ERICH6: variants seen among roughly 807,000 people sequenced by gnomAD.
ERICH6 encodes the protein glutamate-rich protein 6.
Under a neutral mutation model 71.0 loss-of-function variants are expected in ERICH6, and 71 were observed. That is an observed-to-expected ratio of 1.00 (90% confidence interval 0.83 to 1.22). The LOEUF (loss-of-function observed/expected upper bound fraction) is 1.22. Among genes scored for constraint, ERICH6 ranks in the 50% most tolerant of loss-of-function variants. The probability of loss-of-function intolerance (pLI) is 0.00; values close to 1 mark genes in which losing one functional copy is unlikely to be tolerated. For synonymous variants in ERICH6, 262 were observed against 278.4 expected, an observed-to-expected ratio of 0.94 and a Z score of 0.59; for missense variants, 808 against 797.2, an observed-to-expected ratio of 1.01 and a Z score of -0.16.
chr3:150,685,162 C>T (rs1476283824), intron 6 of ERICH6, among the ~76,000 whole-genome samples: 4 of 152,146 alleles, frequency 2.6e-5, no homozygotes, highest in African/African-American at 9.7e-5. Flanking sequence ...GCCACTCTTA[C>T]AGGTTGAATT....
intron 12 of ERICH6, among the ~76,000 whole-genome samples, chr3:150,669,092 A>G (rs1236395982): frequency 6.6e-6 from 1 of 152,170 alleles, no homozygotes; most frequent in Non-Finnish European, 1.5e-5. Flanking sequence ...GATGAGCTTT[A>G]TTTTTATAAT....
At chr3:150,673,089 C>G (rs1052364771) in intron 11 of ERICH6, among the ~76,000 whole-genome samples, 1 of 150,584 alleles carries the variant, frequency 6.6e-6, no homozygotes, top group Non-Finnish European at 1.5e-5. Context: ...AGGGTAGTCT[C>G]TCCTTCCTTC....
At position 150,680,465 on chromosome 3, in the gene ERICH6, C is replaced by G; in HGVS notation, c.1111+3G>C. The G allele has an allele frequency of 6.2e-7, 1 of 1,614,084 alleles. No individual in the cohort carries two copies. The highest frequency in any genetic ancestry group is 1.1e-5 in the South Asian group (1 of 91,078). Reference sequence around the variant, plus strand: ...TCTATAAGATCAGCACTAATGAACTCACCATCTTCAGAGAAATGAGTCTGT... The same window carrying G: ...TCTATAAGATCAGCACTAATGAACTGACCATCTTCAGAGAAATGAGTCTGT... On this transcript the variant is annotated splice_donor_region_variant and intron_variant, in intron 9 of 13. Transcript: ENST00000295910.
chr3:150,689,222 C>T (rs1347849288), intron 3 of ERICH6, among the ~76,000 whole-genome samples: 1 of 133,934 alleles, frequency 7.5e-6, no homozygotes, highest in Non-Finnish European at 1.7e-5. Flanking sequence ...TACTTGCTTC[C>T]AACTCAAGGA....
Position 150,673,949 on chromosome 3 carries a change from A to C in ERICH6, c.1343+7T>G, listed in dbSNP as rs768800045. On this transcript the variant is annotated splice_region_variant and intron_variant, in intron 11 of 13. Coordinates refer to ENST00000295910, the MANE Select transcript of ERICH6 (RefSeq NM_152394.5). ...GCTAATAAAAATAACTTGTTGAAAG[A>C]GGATACAATATTTGTGTTGTCCCAT... The C allele has an allele frequency of 2.7e-5, 44 of 1,611,470 alleles. No individual in the cohort carries two copies. The highest frequency in any genetic ancestry group is 3.6e-5 in the Non-Finnish European group (43 of 1,178,604).
At chr3:150,681,830 T>C (rs1414274957) in intron 7 of ERICH6, among the ~76,000 whole-genome samples, 1 of 146,788 alleles carries the variant, frequency 6.8e-6, no homozygotes, top group Non-Finnish European at 1.5e-5. Flanking sequence ...TTTTTTTTTT[T>C]TGGAGACAGA....
intron 11 of ERICH6, among the ~76,000 whole-genome samples, chr3:150,672,255 TTATATATACATA>T (rs1711508519): frequency 1.2e-5 from 1 of 82,120 alleles, no homozygotes. Context: ...AAGAATCCAT[TTATATATACATA>T]TATATATATA....
intron 11 of ERICH6, among the ~76,000 whole-genome samples, chr3:150,673,014 G>A (rs1711525028): frequency 6.6e-6 from 1 of 152,018 alleles, no homozygotes; most frequent in Non-Finnish European, 1.5e-5. Flanking sequence ...CTCACAGTGA[G>A]ACCCTGTCTT....
chr3:150,696,150 A>T (rs1712649606), intron 3 of ERICH6, among the ~76,000 whole-genome samples: 1 of 152,074 alleles, frequency 6.6e-6, no homozygotes, highest in South Asian at 2.1e-4. Context: ...TGAAATATAT[A>T]CACAATATAT....
chr3:150,665,393 T>C (rs913348420), intron 13 of ERICH6, among the ~76,000 whole-genome samples: 3 of 151,618 alleles, frequency 2.0e-5, no homozygotes, highest in African/African-American at 7.3e-5. Flanking sequence ...GTGGTGTGCC[T>C]GTAGTCCCAG....
At chr3:150,678,581 T>A in intron 9 of ERICH6, 27 bp from the exon 10 acceptor site, 1 of 1,533,330 alleles carries the variant, frequency 6.5e-7, no homozygotes, top group Non-Finnish European at 8.7e-7. Context: ...CACATAGAAA[T>A]ACATATATGT....
intron 12 of ERICH6, among the ~76,000 whole-genome samples, chr3:150,668,917 C>A (rs1432329656): frequency 6.6e-6 from 1 of 152,126 alleles, no homozygotes; most frequent in Admixed American, 6.5e-5. Context: ...TGTCTATTGA[C>A]AAGTTGTTTA....
chr3:150,703,740 C>CCTCCTCCTCCTCCACCTCT lies in ERICH6; in HGVS notation c.158_159insAGAGGTGGAGGAGGAGGAG (p.Val56GlufsTer22). 7.4e-7 allele frequency: 1 copy of CCTCCTCCTCCTCCACCTCT among 1,354,500 alleles called. No individual in the cohort carries two copies. Among genetic ancestry groups the CCTCCTCCTCCTCCACCTCT allele is most frequent in the East Asian group, 2.8e-5 (1 of 35,998 alleles). 83.9% of individuals were successfully genotyped at this position (1,354,500 alleles called of 1,614,324 possible). ...CCACCAACTCCTCCTCCACCACCTC[C>CCTCCTCCTCCTCCACCTCT]TCCTCCTCCTCCTCCACCTCTTCCT... is the stretch of plus-strand genomic sequence containing the variant. On this transcript the variant is annotated frameshift_variant, in exon 1 of 14. Coordinates refer to ENST00000295910, the MANE Select transcript of ERICH6 (RefSeq NM_152394.5). LOFTEE classifies it high-confidence loss of function.
At position 150,703,654 on chromosome 3, in the gene ERICH6, G is replaced by C. The variant is rs1223495710; in HGVS notation, c.245C>G (p.Thr82Arg). Residue 82 changes from threonine to arginine, a missense_variant, in exon 1 of 14, where the codon ACG becomes AGG. Around this residue, in one of 3 missense-constraint regions of ERICH6, gnomAD observed 736 missense variants for 712.2 expected, o/e 1.03. Transcript: ENST00000295910. The part of the protein sequence containing the change: ...TFSEEYLWKV[T>R]DIGDYDDDFP... ...GTCGTCGTCGTAGTCACCGATGTCCGTGACCTTCCAGAGGTACTCTTCGCT... is the reference window on the plus strand; with the variant it reads ...GTCGTCGTCGTAGTCACCGATGTCCCTGACCTTCCAGAGGTACTCTTCGCT... 1.9e-6 allele frequency: 3 copies of C among 1,613,760 alleles called. No homozygotes were observed. The highest frequency in any genetic ancestry group is 2.5e-6 in the Non-Finnish European group (3 of 1,179,934).
intron 2 of ERICH6, among the ~76,000 whole-genome samples, chr3:150,700,732 C>A (rs1051112865): frequency 6.6e-6 from 1 of 152,024 alleles, no homozygotes; most frequent in Non-Finnish European, 1.5e-5. Context: ...TACAGGCACA[C>A]GCCACCATGC....
intron 10 of ERICH6, 105 bp downstream of exon 10, chr3:150,678,304 A>G: frequency 2.9e-5 from 31 of 1,084,952 alleles, no homozygotes; most frequent in Non-Finnish European, 4.0e-5. Context: ...CTTTTTGACA[A>G]CTAGTTAAAT....
intron 3 of ERICH6, among the ~76,000 whole-genome samples, chr3:150,698,186 T>G (rs1712723764): frequency 6.6e-6 from 1 of 151,726 alleles, no homozygotes; most frequent in Non-Finnish European, 1.5e-5. Flanking sequence ...TCTATATTGT[T>G]GCCATCACCT....
chr3:150,702,710 A>G (rs1712939766), intron 1 of ERICH6, among the ~76,000 whole-genome samples: 2 of 152,054 alleles, frequency 1.3e-5, no homozygotes, highest in African/African-American at 4.8e-5. Context: ...TCCAGACCAA[A>G]ATGTCAACAC....
At position 150,666,805 on chromosome 3, in the gene ERICH6, A is replaced by G; in HGVS notation, c.1710T>C (p.Ser570=). The change falls in exon 13 of 14, where the codon AGT becomes AGC. Residue 570 remains serine, a synonymous_variant. Transcript: ENST00000295910. ...FLAMGQQARI[S]VGTKVKLPNP... ...TACCTACCTTCACTTTGGTTCCAAC[A>G]CTGATTCTTGCCTGTTGGCCCATTG... is the stretch of plus-strand genomic sequence containing the variant. 6.2e-7 allele frequency: 1 copy of G among 1,614,138 alleles called. No individual in the cohort carries two copies. Among genetic ancestry groups the G allele is most frequent in the Non-Finnish European group, 8.5e-7 (1 of 1,180,028 alleles).
Sources: allele counts gnomAD v4.1 joint callset (sites outside exome capture counted in the v4.1 genomes callset), GRCh38; gene constraint gnomAD v4.1.1; regional missense constraint gnomAD v4.1.1; transcripts MANE v1.5; gene names NCBI Gene and HGNC (gene_info 2026-07-23, HGNC 2026-07-21).